PCDHA6: variants seen among roughly 807,000 people sequenced by gnomAD.
The protein encoded by PCDHA6 is protocadherin alpha 6.
In PCDHA6, 55 loss-of-function variants were observed where a neutral mutation model predicts 60.3. The observed-to-expected ratio is 0.91, with a 90% CI of 0.73 to 1.14. The LOEUF (loss-of-function observed/expected upper bound fraction) is 1.14, where lower values mean the gene tolerates loss of function less well. Ranked by LOEUF, PCDHA6 falls within the 50% of genes most tolerant of loss-of-function variation. The pLI, the probability that PCDHA6 is intolerant of heterozygous loss-of-function variation, is 0.00. For missense variants in PCDHA6, 1,327 were observed against 1,256.5 expected, an observed-to-expected ratio of 1.06 and a Z score of -0.85; for synonymous variants, 652 against 557.9, an observed-to-expected ratio of 1.17 and a Z score of -2.38.
At chr5:140,976,578 A>C (rs997881753) in intron 1 of PCDHA6, among the ~76,000 whole-genome samples, 1 of 152,204 alleles carries the variant, frequency 6.6e-6, no homozygotes, top group Admixed American at 6.5e-5. Context: ...TATAAATAAA[A>C]CACAGACTTT....
intron 1 of PCDHA6, among the ~76,000 whole-genome samples, chr5:140,954,899 T>C (rs2095107956): frequency 6.6e-6 from 1 of 152,196 alleles, no homozygotes; most frequent in South Asian, 2.1e-4. Flanking sequence ...GTTTTTATAG[T>C]TTCATACTTT....
intron 1 of PCDHA6, among the ~76,000 whole-genome samples, chr5:140,901,442 T>G (rs1490397176): frequency 6.6e-6 from 1 of 152,206 alleles, no homozygotes; most frequent in Non-Finnish European, 1.5e-5. Flanking sequence ...GATATCTAGT[T>G]TCCCAGCACA....
At chr5:140,849,612 A>T in intron 1 of PCDHA6, 1 of 1,598,736 alleles carries the variant, frequency 6.3e-7, no homozygotes. Context: ...TGCCCTGATT[A>T]GTGTGATCGA....
rs782343997 is a variant in PCDHA6 at position 140,882,709 on chromosome 5, T to C, written c.2394+52224T>C. 6 of 1,614,022 alleles carry C rather than the reference T, an allele frequency of 3.7e-6. No homozygotes were observed. In the Admixed American group the frequency reaches 6.7e-5, roughly 18 times the overall value. ...GAATAATCATTGCAGAATCTAGACC[T>C]CCGGAAACTCGATTTCCACTAGATG... is the stretch of plus-strand genomic sequence containing the variant. On this transcript the variant is annotated intron_variant, in intron 1 of 3. Coordinates refer to ENST00000529310, the MANE Select transcript of PCDHA6 (RefSeq NM_018909.4).
intron 1 of PCDHA6, chr5:140,877,364 T>A: frequency 6.2e-7 from 1 of 1,613,948 alleles, no homozygotes; most frequent in Non-Finnish European, 8.5e-7. Context: ...ACTGGCGAGA[T>A]CAGCACGACA....
At chr5:141,009,459 A>T in intron 3 of PCDHA6, 168 bp from the exon 4 acceptor site, 3 of 950,878 alleles carry the variant, frequency 3.2e-6, no homozygotes, top group Non-Finnish European at 3.8e-6. Context: ...AATTAAACAA[A>T]TAAATAAATA....
At chr5:140,877,108 G>C in intron 1 of PCDHA6, 1 of 1,613,542 alleles carries the variant, frequency 6.2e-7, no homozygotes. Context: ...GCCGCCTCTG[G>C]GCAGCAACGT....
At chr5:140,868,963 A>G in intron 1 of PCDHA6, 2 of 1,423,054 alleles carry the variant, frequency 1.4e-6, no homozygotes, top group Non-Finnish European at 1.9e-6. Context: ...TCCCATACAA[A>G]GGAACTCCAT....
chr5:140,880,821 G>A (rs1054552020), intron 1 of PCDHA6, among the ~76,000 whole-genome samples: 4 of 152,206 alleles, frequency 2.6e-5, no homozygotes, highest in African/African-American at 7.2e-5. Flanking sequence ...AGAGTGTCTG[G>A]AAGGGCATAT....
chr5:140,889,978 A>C (rs1326390288), intron 1 of PCDHA6, among the ~76,000 whole-genome samples: 1 of 152,202 alleles, frequency 6.6e-6, no homozygotes, highest in Non-Finnish European at 1.5e-5. Flanking sequence ...TCCAGTCTCC[A>C]GTTGTCTTAG....
chr5:140,942,145 CAT>C (rs2093239780), intron 1 of PCDHA6, among the ~76,000 whole-genome samples: 1 of 152,176 alleles, frequency 6.6e-6, no homozygotes, highest in African/African-American at 2.4e-5. Context: ...CTTTACTTGA[CAT>C]AAAACAGCTT....
At chr5:140,919,518 T>C (rs1027780107) in intron 1 of PCDHA6, among the ~76,000 whole-genome samples, 1 of 152,194 alleles carries the variant, frequency 6.6e-6, no homozygotes. Context: ...TATGTTTTAA[T>C]TCTCTTTTTT....
chr5:140,862,553 C>T (rs561370771), intron 1 of PCDHA6: 12 of 463,418 alleles, frequency 2.6e-5, no homozygotes, highest in Non-Finnish European at 4.4e-5. Context: ...AGTGGCCGAA[C>T]AGTGAACCAC....
chr5:140,986,385 T>C (rs1554247992), intron 3 of PCDHA6, among the ~76,000 whole-genome samples: 2 of 152,134 alleles, frequency 1.3e-5, no homozygotes, highest in Non-Finnish European at 1.5e-5. Context: ...GGAGGGACAT[T>C]AAAGGGCCAG....
intron 1 of PCDHA6, among the ~76,000 whole-genome samples, chr5:140,962,103 T>C (rs1401131367): frequency 1.3e-5 from 2 of 152,020 alleles, no homozygotes; most frequent in African/African-American, 4.8e-5. Flanking sequence ...GCCAGGATGG[T>C]CTCGATCTCC....
intron 1 of PCDHA6, among the ~76,000 whole-genome samples, chr5:140,954,774 A>G (rs1396315075): frequency 1.3e-5 from 2 of 152,120 alleles, no homozygotes; most frequent in Admixed American, 1.3e-4. Flanking sequence ...TCTTTAATTT[A>G]ATTAGATCTC....
At chr5:140,908,019 G>A (rs1031093375) in intron 1 of PCDHA6, among the ~76,000 whole-genome samples, 1 of 152,122 alleles carries the variant, frequency 6.6e-6, no homozygotes, top group Non-Finnish European at 1.5e-5. Context: ...ACTGGCTACA[G>A]CCCATTAATC....
At chr5:140,881,074 A>G (rs1416572917) in intron 1 of PCDHA6, among the ~76,000 whole-genome samples, 1 of 152,200 alleles carries the variant, frequency 6.6e-6, no homozygotes, top group African/African-American at 2.4e-5. Context: ...TAATTATTGG[A>G]GCTATGATAT....
At position 140,829,829 on chromosome 5, in the gene PCDHA6, C is replaced by A; in HGVS notation, c.1738C>A (p.Leu580Met). 6.2e-7 allele frequency: 1 copy of A among 1,613,904 alleles called. No individual in the cohort carries two copies. The highest frequency in any genetic ancestry group is 8.5e-7 in the Non-Finnish European group (1 of 1,179,890). Reference sequence around the variant, plus strand: ...TGGTACTGGTGGTGCAGTGAGCGAGCTGGTGCCGCGGTCACTGGGTGCAGG... The same window carrying A: ...TGGTACTGGTGGTGCAGTGAGCGAGATGGTGCCGCGGTCACTGGGTGCAGG... ...VGGTGGAVSELVPRSLGAGQV... is the reference protein window; with the variant it reads ...VGGTGGAVSEMVPRSLGAGQV... Residue 580 changes from leucine to methionine, a missense_variant, in exon 1 of 4, where the codon CTG becomes ATG. Coordinates refer to ENST00000529310, the MANE Select transcript of PCDHA6 (RefSeq NM_018909.4).
Sources: gnomAD v4.1 joint callset for allele counts (sites outside exome capture counted in the v4.1 genomes callset) on GRCh38, gnomAD v4.1.1 for gene constraint, MANE v1.5 for transcripts, NCBI Gene and HGNC (gene_info 2026-07-23, HGNC 2026-07-21) for gene names.